The following SULF1 variants were observed in gnomAD, a reference collection of about 807,000 sequenced individuals.
The protein encoded by SULF1 is extracellular sulfatase Sulf-1.
In SULF1, 46 loss-of-function variants were observed where a neutral mutation model predicts 110.5. The observed-to-expected ratio is 0.42, with a 90% CI of 0.33 to 0.53. The LOEUF (loss-of-function observed/expected upper bound fraction) is 0.53. Among genes scored for constraint, SULF1 ranks in the 20% least tolerant of loss-of-function variants. The probability of loss-of-function intolerance (pLI) is 0.12; values close to 1 mark genes in which losing one functional copy is unlikely to be tolerated. For missense variants in SULF1, 941 were observed against 1,094.2 expected, an observed-to-expected ratio of 0.86 and a Z score of 1.98; for synonymous variants, 371 against 387.1, an observed-to-expected ratio of 0.96 and a Z score of 0.49.
At chr8:69,586,811 A>G (rs548984903) in intron 7 of SULF1, among the ~76,000 whole-genome samples, 3 of 152,332 alleles carry the variant, frequency 2.0e-5, no homozygotes, top group African/African-American at 7.2e-5. Context: ...CCCCGGACCC[A>G]ACCAAGGACT....
At chr8:69,559,972 C>A (rs1048848770) in intron 3 of SULF1, among the ~76,000 whole-genome samples, 2 of 152,136 alleles carry the variant, frequency 1.3e-5, no homozygotes, top group African/African-American at 2.4e-5. Flanking sequence ...AGCGGTTCTA[C>A]CTACTATTGC....
intron 22 of SULF1, among the ~76,000 whole-genome samples, chr8:69,648,673 AGAG>A (rs1369233785): frequency 1.3e-5 from 2 of 152,220 alleles, no homozygotes; most frequent in African/African-American, 4.8e-5. Flanking sequence ...CCAAAGGGGA[AGAG>A]AAGAGGCCAC....
chr8:69,569,532 G>A (rs139544400), intron 5 of SULF1, among the ~76,000 whole-genome samples: 55 of 152,298 alleles, frequency 3.6e-4, no homozygotes, highest in African/African-American at 1.3e-3. Flanking sequence ...ATGCCAAGGT[G>A]CAGGTGCCAT....
At chr8:69,644,039 G>T (rs533421570) in intron 22 of SULF1, among the ~76,000 whole-genome samples, 1 of 152,180 alleles carries the variant, frequency 6.6e-6, no homozygotes, top group Non-Finnish European at 1.5e-5. Context: ...GCCTTCCTCT[G>T]GCAGGGCTGC....
At chr8:69,655,023 T>G (rs1238147549) in intron 22 of SULF1, among the ~76,000 whole-genome samples, 2 of 152,238 alleles carry the variant, frequency 1.3e-5, no homozygotes, top group Admixed American at 1.3e-4. Context: ...AATAATATTT[T>G]AAGCATTTGC....
chr8:69,517,038 A>C (rs755138548), intron 3 of SULF1, among the ~76,000 whole-genome samples: 57 of 152,136 alleles, frequency 3.7e-4, no homozygotes, highest in Non-Finnish European at 7.5e-4. Flanking sequence ...ACCATAGATT[A>C]AGTAATTTAT....
rs1168435447 is a variant in SULF1, at chr8:69,632,485, TTAA to T, written c.2284+2812_2284+2814del. ...TTTTATCCATTTTCTATTACATATTTTAATAATATTATTGCTGTATTCCTCATA... is the reference window on the plus strand; with the variant it reads ...TTTTATCCATTTTCTATTACATATTTTAATATTATTGCTGTATTCCTCATA... On this transcript the variant is annotated intron_variant, in intron 19 of 22. Transcript: ENST00000402687. Among the ~76,000 whole-genome samples the T allele has an allele frequency of 2.4e-4, 36 of 151,998 alleles. No homozygotes were observed. The East Asian group carries it at 6.2e-3, about 26-fold the overall frequency.
chr8:69,492,302 C>T (rs1157698180), upstream of SULF1, among the ~76,000 whole-genome samples: 2 of 151,760 alleles, frequency 1.3e-5, no homozygotes, highest in African/African-American at 4.8e-5. Flanking sequence ...TTTATTGCTC[C>T]CACAGAGAAG....
At chr8:69,525,827 C>T (rs1436384029) in intron 3 of SULF1, among the ~76,000 whole-genome samples, 1 of 152,116 alleles carries the variant, frequency 6.6e-6, no homozygotes, top group Non-Finnish European at 1.5e-5. Context: ...AATCTGCCCC[C>T]GTGTGAGCCG....
At chr8:69,590,810 C>T (rs1020763104) in intron 8 of SULF1, among the ~76,000 whole-genome samples, 7 of 152,160 alleles carry the variant, frequency 4.6e-5, no homozygotes, top group South Asian at 2.1e-4. Flanking sequence ...TACAACTCTG[C>T]GAGTAAATTC....
At chr8:69,647,052 C>A (rs2130715351) in intron 22 of SULF1, among the ~76,000 whole-genome samples, 1 of 145,984 alleles carries the variant, frequency 6.9e-6, no homozygotes, top group East Asian at 2.1e-4. Flanking sequence ...TCAAGCAATT[C>A]CCCTGCCTCA....
chr8:69,528,826 G>A (rs555468762), intron 3 of SULF1, among the ~76,000 whole-genome samples: 1 of 152,270 alleles, frequency 6.6e-6, no homozygotes, highest in African/African-American at 2.4e-5. Context: ...GTTGTTTCAG[G>A]TAGTAGTTCC....
chr8:69,581,746 A>C (rs1247519243), intron 6 of SULF1, among the ~76,000 whole-genome samples: 1 of 152,214 alleles, frequency 6.6e-6, no homozygotes, highest in African/African-American at 2.4e-5. Context: ...AGAGGGCCAG[A>C]TAATCAATTG....
At chr8:69,636,203 C>T (rs1236317385) in intron 19 of SULF1, among the ~76,000 whole-genome samples, 4 of 152,130 alleles carry the variant, frequency 2.6e-5, no homozygotes, top group Non-Finnish European at 4.4e-5. Context: ...AACGCATTTT[C>T]GCCACGAGAA....
chr8:69,657,905 C>G (rs1217943378), intron 22 of SULF1, among the ~76,000 whole-genome samples: 1 of 152,152 alleles, frequency 6.6e-6, no homozygotes, highest in Admixed American at 6.5e-5. Context: ...CTAAGGCACA[C>G]ATTTATCTAG....
At chr8:69,655,660 T>C (rs1465704040) in intron 22 of SULF1, among the ~76,000 whole-genome samples, 2 of 152,138 alleles carry the variant, frequency 1.3e-5, no homozygotes, top group African/African-American at 4.8e-5. Flanking sequence ...ACCCGCCTCA[T>C]CCTCCCCAAA....
chr8:69,583,533 C>T (rs1174551733), intron 6 of SULF1, among the ~76,000 whole-genome samples: 1 of 152,072 alleles, frequency 6.6e-6, no homozygotes, highest in African/African-American at 2.4e-5. Flanking sequence ...GAGATCACAC[C>T]ACTGTACTCT....
At chr8:69,510,848 C>T (rs773263713) in intron 3 of SULF1, among the ~76,000 whole-genome samples, 1 of 151,832 alleles carries the variant, frequency 6.6e-6, no homozygotes, top group East Asian at 1.9e-4. Flanking sequence ...AACTCCTGAC[C>T]TCAAGTGATC....
chr8:69,611,867 A>G (rs1808683969), intron 13 of SULF1, among the ~76,000 whole-genome samples: 1 of 152,026 alleles, frequency 6.6e-6, no homozygotes, highest in Non-Finnish European at 1.5e-5. Flanking sequence ...TTTTATTTCA[A>G]TAGTTTTCGG....
Sources: allele counts gnomAD v4.1 joint callset (sites outside exome capture counted in the v4.1 genomes callset), GRCh38; gene constraint gnomAD v4.1.1; transcripts MANE v1.5; gene names NCBI Gene and HGNC (gene_info 2026-07-23, HGNC 2026-07-21).